Variants in FOXN3 observed in about 807,000 individuals in gnomAD.
FOXN3 encodes the protein forkhead box N3, also known as forkhead box protein N3.
In FOXN3, 7 loss-of-function variants were observed where a neutral mutation model predicts 38.4. The observed-to-expected ratio is 0.18, with a 90% CI of 0.10 to 0.34. The LOEUF is 0.34. Among genes scored for constraint, FOXN3 ranks in the 10% least tolerant of loss-of-function variants. The pLI is 1.00. For synonymous variants in FOXN3, 230 were observed against 242.2 expected (o/e 0.95, Z 0.47); for missense variants, 456 against 613.4 (o/e 0.74, Z 2.71).
intron 2 of FOXN3, among the ~76,000 whole-genome samples, chr14:89,351,562 GT>G (rs1888972903): frequency 6.6e-6 from 1 of 152,192 alleles, no homozygotes; most frequent in African/African-American, 2.4e-5. Context: ...CCTGTGAAGC[GT>G]TTGGTCTATG....
In FOXN3 at chr14:89,265,538, C is replaced by T. The variant is rs550412894; in HGVS notation, c.745+15412G>A. Among the ~76,000 whole-genome samples the T allele has an allele frequency of 2.0e-3, 309 of 152,134 alleles. 1 individual carries two copies. The highest frequency in any genetic ancestry group is 6.7e-3 in the African/African-American group (279 of 41,496). On this transcript the variant is annotated intron_variant, in intron 4 of 5. Coordinates refer to ENST00000557258, the MANE Select transcript of FOXN3 (RefSeq NM_005197.4). Reference sequence around the variant, plus strand: ...GAGTGACTTAAACTAGTGGTAGAGACGTCACTTGGAAGCACACAGATGAAT... The same window carrying T: ...GAGTGACTTAAACTAGTGGTAGAGATGTCACTTGGAAGCACACAGATGAAT...
At chr14:89,397,726 T>A (rs1475386211) in intron 2 of FOXN3, among the ~76,000 whole-genome samples, 2 of 152,232 alleles carry the variant, frequency 1.3e-5, no homozygotes. Context: ...TGTCAGACCT[T>A]GGCTAAAAAT....
chr14:89,225,305 A>C (rs2139847062), intron 4 of FOXN3, among the ~76,000 whole-genome samples: 1 of 151,762 alleles, frequency 6.6e-6, no homozygotes, highest in Admixed American at 6.6e-5. Context: ...ACTGTCTCTG[A>C]AAAATATATA....
intron 1 of FOXN3, among the ~76,000 whole-genome samples, chr14:89,570,629 T>A (rs534425173): frequency 2.4e-4 from 37 of 152,096 alleles, no homozygotes; most frequent in Non-Finnish European, 4.1e-4. Flanking sequence ...CGGCTTTGAA[T>A]GCAGCCCAAC....
At chr14:89,507,262 C>T (rs1216262133) in intron 1 of FOXN3, among the ~76,000 whole-genome samples, 2 of 152,130 alleles carry the variant, frequency 1.3e-5, no homozygotes, top group East Asian at 3.8e-4. Context: ...GACCTGAAAA[C>T]AGTAAGCATT....
intron 4 of FOXN3, among the ~76,000 whole-genome samples, chr14:89,258,088 A>G (rs1433090775): frequency 6.6e-6 from 1 of 152,182 alleles, no homozygotes; most frequent in Non-Finnish European, 1.5e-5. Flanking sequence ...CACACGCACT[A>G]GAGCCATGAC....
At chr14:89,581,177 G>A (rs1308946104) in intron 1 of FOXN3, among the ~76,000 whole-genome samples, 3 of 151,908 alleles carry the variant, frequency 2.0e-5, no homozygotes, top group Non-Finnish European at 4.4e-5. Flanking sequence ...GTGAGACCCT[G>A]TCTCAGAAAC....
chr14:89,454,497 C>A (rs1194945680), intron 1 of FOXN3, among the ~76,000 whole-genome samples: 3 of 152,168 alleles, frequency 2.0e-5, no homozygotes, highest in Non-Finnish European at 2.9e-5. Flanking sequence ...AAGACATATG[C>A]AATTGTGTAA....
intron 3 of FOXN3, among the ~76,000 whole-genome samples, chr14:89,317,077 C>CTGCA (rs1210368134): frequency 2.0e-5 from 3 of 152,210 alleles, no homozygotes; most frequent in African/African-American, 7.2e-5. Context: ...GATTTCAAGA[C>CTGCA]TGCAATTGGC....
At chr14:89,597,388 A>G (rs1338321623) in intron 1 of FOXN3, among the ~76,000 whole-genome samples, 1 of 152,206 alleles carries the variant, frequency 6.6e-6, no homozygotes, top group African/African-American at 2.4e-5. Context: ...CACCAAATAG[A>G]GAACACTGGC....
At chr14:89,510,402 G>C (rs1894033783) in intron 1 of FOXN3, among the ~76,000 whole-genome samples, 1 of 152,148 alleles carries the variant, frequency 6.6e-6, no homozygotes, top group African/African-American at 2.4e-5. Context: ...ATCTGCCAGG[G>C]AGCCAGCCCT....
chr14:89,498,007 T>G (rs888224751), intron 1 of FOXN3, among the ~76,000 whole-genome samples: 2 of 152,174 alleles, frequency 1.3e-5, no homozygotes, highest in African/African-American at 4.8e-5. Context: ...CAATGATTAG[T>G]GACATTGAGC....
intron 3 of FOXN3, among the ~76,000 whole-genome samples, chr14:89,349,170 C>A (rs539259747): frequency 6.6e-6 from 1 of 152,284 alleles, no homozygotes; most frequent in Admixed American, 6.5e-5. Flanking sequence ...TGTACATCGG[C>A]AATTCTCCAC....
chr14:89,217,589 C>T (rs1884325822), intron 4 of FOXN3, among the ~76,000 whole-genome samples: 1 of 152,264 alleles, frequency 6.6e-6, no homozygotes, highest in Non-Finnish European at 1.5e-5. Flanking sequence ...ACCCACTTCA[C>T]TTCTCTGAGC....
intron 1 of FOXN3, among the ~76,000 whole-genome samples, chr14:89,512,672 A>C (rs1894116455): frequency 6.6e-6 from 1 of 152,290 alleles, no homozygotes; most frequent in South Asian, 2.1e-4. Context: ...GGCAGGACAG[A>C]GAGCCCTACC....
chr14:89,378,819 G>A (rs1890559407), intron 2 of FOXN3, among the ~76,000 whole-genome samples: 1 of 150,666 alleles, frequency 6.6e-6, no homozygotes, highest in Non-Finnish European at 1.5e-5. Flanking sequence ...TGATTCTCCT[G>A]CCTTAGCCTC....
intron 4 of FOXN3, among the ~76,000 whole-genome samples, chr14:89,238,774 C>T (rs1031884970): frequency 6.6e-6 from 1 of 152,096 alleles, no homozygotes; most frequent in Non-Finnish European, 1.5e-5. Flanking sequence ...AGCTTAAAAC[C>T]TCATAATGAA....
intron 1 of FOXN3, among the ~76,000 whole-genome samples, chr14:89,431,993 G>T (rs947927513): frequency 6.6e-6 from 1 of 152,226 alleles, no homozygotes; most frequent in African/African-American, 2.4e-5. Flanking sequence ...GGGATTACAG[G>T]CGTGAGCCAC....
intron 1 of FOXN3, among the ~76,000 whole-genome samples, chr14:89,527,761 G>T (rs938481123): frequency 6.6e-6 from 1 of 151,132 alleles, no homozygotes; most frequent in East Asian, 1.9e-4. Flanking sequence ...GAGTGCAGTG[G>T]TGTGATCTCA....
Sources: allele counts gnomAD v4.1 joint callset (sites outside exome capture counted in the v4.1 genomes callset), GRCh38; gene constraint gnomAD v4.1.1; transcripts MANE v1.5; gene names NCBI Gene and HGNC (gene_info 2026-07-23, HGNC 2026-07-21).